Variants in SLC17A1 observed in about 807,000 individuals in gnomAD.
The protein encoded by SLC17A1 is sodium-dependent phosphate transport protein 1.
In SLC17A1, 51 loss-of-function variants were observed where a neutral mutation model predicts 53.5. The observed-to-expected ratio is 0.95, with a 90% CI of 0.76 to 1.20. The LOEUF is 1.20. Among genes scored for constraint, SLC17A1 ranks in the 50% most tolerant of loss-of-function variants. The probability of loss-of-function intolerance (pLI) is 0.00; values close to 1 mark genes in which losing one functional copy is unlikely to be tolerated. For missense variants in SLC17A1, 538 were observed against 568.2 expected (o/e 0.95, Z 0.54); for synonymous variants, 179 against 198.8 (o/e 0.90, Z 0.84).
chr6:25,726,027 T>C, the SLC17A1 span: 1 of 1,002,780 alleles, frequency 1.0e-6, no homozygotes. Context: ...TTAACAGCAG[T>C]AACGTTTTGT....
chr6:25,746,669 C>T, the SLC17A1 span, among the ~76,000 whole-genome samples: 1 of 152,244 alleles, frequency 6.6e-6, no homozygotes, highest in Middle Eastern at 3.4e-3. Flanking sequence ...AGAATTTAGC[C>T]ATGGTCAACT....
chr6:25,757,790 C>T, the SLC17A1 span, among the ~76,000 whole-genome samples: 5 of 152,272 alleles, frequency 3.3e-5, no homozygotes, highest in East Asian at 9.7e-4. Context: ...AATGCTGAAT[C>T]CTTTATTGTA....
At chr6:25,778,984 C>T (rs1350146965), downstream of SLC17A1, 63 of 1,587,114 alleles carry the variant, frequency 4.0e-5, no homozygotes, top group Non-Finnish European at 5.4e-5. Flanking sequence ...GACACAGAGC[C>T]AAAGCCTTTC....
chr6:25,769,995 C>T, the SLC17A1 span: 2 of 1,375,130 alleles, frequency 1.5e-6, no homozygotes, highest in Non-Finnish European at 2.0e-6. Flanking sequence ...TAATTTTTGC[C>T]TCTCAAGTCC....
chr6:25,727,118 T>C, the SLC17A1 span: 1 of 1,614,228 alleles, frequency 6.2e-7, no homozygotes, highest in Middle Eastern at 1.6e-4. Flanking sequence ...TCGTCACTGA[T>C]ATCTTTGAGC....
At chr6:25,776,637 T>C in the SLC17A1 span, 24 of 1,613,400 alleles carry the variant, frequency 1.5e-5, no homozygotes, top group South Asian at 2.2e-5. Flanking sequence ...TGGATGTATC[T>C]GCATTATCCT....
At position 25,800,873 on chromosome 6, in the gene SLC17A1, A is replaced by C. The variant is rs781149209; in HGVS notation, c.1269+17T>G. 1.4e-6 allele frequency: 2 copies of C among 1,453,556 alleles called. No individual in the cohort carries two copies. The highest frequency in any genetic ancestry group is 2.3e-5 in the East Asian group (1 of 43,958). 90.0% of individuals were successfully genotyped at this position (1,453,556 alleles called of 1,614,324 possible). On this transcript the variant is annotated intron_variant, in intron 11 of 12. Transcript: ENST00000244527. ...ATTAATATTGGAAAAATAACTACAC[A>C]TCTGTATGTTTCTTACCTGCTTAAG...
chr6:25,725,869 C>CT, the SLC17A1 span, among the ~76,000 whole-genome samples: 1 of 152,202 alleles, frequency 6.6e-6, no homozygotes, highest in East Asian at 1.9e-4. Context: ...TGACTGCTCA[C>CT]AAGCGTTAAG....
chr6:25,726,475 C>T, the SLC17A1 span: 1 of 1,613,746 alleles, frequency 6.2e-7, no homozygotes, highest in Non-Finnish European at 8.5e-7. Context: ...TCTAGAAGAG[C>T]GAGACTTAGA....
At chr6:25,751,300 T>C in the SLC17A1 span, among the ~76,000 whole-genome samples, 1 of 152,206 alleles carries the variant, frequency 6.6e-6, no homozygotes, top group Non-Finnish European at 1.5e-5. Flanking sequence ...TTAAGTATAT[T>C]TTGTGTGCAG....
the SLC17A1 span, among the ~76,000 whole-genome samples, chr6:25,755,458 A>C: frequency 1.3e-5 from 2 of 152,208 alleles, no homozygotes; most frequent in African/African-American, 4.8e-5. Context: ...TTGAGCTGTT[A>C]ATAGCTCTGC....
chr6:25,785,904 AAG>A (rs1763372398), intron 12 of SLC17A1, among the ~76,000 whole-genome samples: 1 of 152,164 alleles, frequency 6.6e-6, no homozygotes, highest in South Asian at 2.1e-4. Context: ...TGCTGTGGAG[AAG>A]AGTTTGGCAG....
the SLC17A1 span, among the ~76,000 whole-genome samples, chr6:25,761,385 C>A: frequency 6.6e-6 from 1 of 152,180 alleles, no homozygotes; most frequent in South Asian, 2.1e-4. Flanking sequence ...ACTTAGATCT[C>A]AGGCCCCCAC....
Position 25,813,133 on chromosome 6 carries a change from T to G in SLC17A1, c.697A>C (p.Ser233Arg), listed in dbSNP as rs769772393. 1.2e-6 allele frequency: 2 copies of G among 1,614,180 alleles called. No individual in the cohort carries two copies. Among genetic ancestry groups the G allele is most frequent in the Non-Finnish European group, 8.5e-7 (1 of 1,180,012 alleles). ...GAGGATGTGATGTATTCCTTTTCAC[T>G]GATGCTTATACATGGGTGGTCTTTG... ...DPKDHPCISI[S>R]EKEYITSSLV... The change falls in exon 7 of 13, where the codon AGT becomes CGT. Residue 233 changes from serine (S) to arginine (R), a missense_variant. Transcript: ENST00000244527.
At chr6:25,733,595 A>G in the SLC17A1 span, among the ~76,000 whole-genome samples, 1 of 152,170 alleles carries the variant, frequency 6.6e-6, no homozygotes, top group Non-Finnish European at 1.5e-5. Context: ...CACTATAATA[A>G]AGTTTATAAT....
chr6:25,748,415 A>C, the SLC17A1 span, among the ~76,000 whole-genome samples: 368 of 152,304 alleles, frequency 2.4e-3, 2 homozygotes, highest in Middle Eastern at 0.01. Context: ...GAAACTAAGA[A>C]AATAGATATA....
At chr6:25,776,652 G>C in the SLC17A1 span, 4 of 1,613,760 alleles carry the variant, frequency 2.5e-6, no homozygotes, top group Non-Finnish European at 3.4e-6. Flanking sequence ...TATCCTTGGA[G>C]GTCTACTGGC....
chr6:25,800,010 A>T (rs1201776644), intron 11 of SLC17A1, among the ~76,000 whole-genome samples: 1 of 152,174 alleles, frequency 6.6e-6, no homozygotes, highest in Non-Finnish European at 1.5e-5. Context: ...GATGCAGACC[A>T]TCTCTCCCTG....
At chr6:25,781,400 A>G (rs1343674535), downstream of SLC17A1, among the ~76,000 whole-genome samples, 1 of 152,236 alleles carries the variant, frequency 6.6e-6, no homozygotes, top group South Asian at 2.1e-4. Flanking sequence ...CCAAATTTGC[A>G]GTGATCTGTC....
Sources: allele counts gnomAD v4.1 joint callset (sites outside exome capture counted in the v4.1 genomes callset), GRCh38; gene constraint gnomAD v4.1.1; transcripts MANE v1.5; gene names NCBI Gene and HGNC (gene_info 2026-07-23, HGNC 2026-07-21).